The following FOXN3 variants were observed in gnomAD, a reference collection of about 807,000 sequenced individuals.
FOXN3 encodes forkhead box protein N3.
A neutral mutation model predicts 38.4 loss-of-function variants in FOXN3; 7 were observed. That is an observed-to-expected ratio of 0.18 (90% CI 0.10 to 0.34). FOXN3 has a LOEUF of 0.34. Among genes scored for constraint, FOXN3 ranks in the 10% least tolerant of loss-of-function variants. FOXN3 has a pLI of 1.00. For synonymous variants in FOXN3, 230 were observed against 242.2 expected, an observed-to-expected ratio of 0.95 and a Z score of 0.47; for missense variants, 456 against 613.4, an observed-to-expected ratio of 0.74 and a Z score of 2.71.
At chr14:89,408,129 C>T (rs1891441572) in intron 2 of FOXN3, among the ~76,000 whole-genome samples, 2 of 152,182 alleles carry the variant, frequency 1.3e-5, no homozygotes, top group Non-Finnish European at 2.9e-5. Flanking sequence ...ACTGGAAAGA[C>T]CTCAAGAGGG....
chr14:89,255,397 TTCATTCATTCAC>T (rs1885585170), intron 4 of FOXN3, among the ~76,000 whole-genome samples: 1 of 152,022 alleles, frequency 6.6e-6, no homozygotes, highest in Non-Finnish European at 1.5e-5. Flanking sequence ...TCTGTGTTCA[TTCATTCATTCAC>T]TCATTCATTC....
At chr14:89,306,590 A>G (rs1269240072) in intron 3 of FOXN3, among the ~76,000 whole-genome samples, 1 of 152,008 alleles carries the variant, frequency 6.6e-6, no homozygotes, top group Non-Finnish European at 1.5e-5. Flanking sequence ...CATGGTCTCA[A>G]TCTCCTGAAC....
At chr14:89,381,532 C>CAAAAAAAAAAAAAAA (rs71897384) in intron 2 of FOXN3, among the ~76,000 whole-genome samples, 2 of 75,938 alleles carry the variant, frequency 2.6e-5, no homozygotes, top group African/African-American at 5.1e-5. Flanking sequence ...CCTCAAAAAG[C>CAAAAAAAAAAAAAAA]AAAAAAAAAA....
At chr14:89,495,183 C>A (rs1349554172) in intron 1 of FOXN3, among the ~76,000 whole-genome samples, 1 of 152,088 alleles carries the variant, frequency 6.6e-6, no homozygotes, top group Non-Finnish European at 1.5e-5. Flanking sequence ...ATGAAAATGG[C>A]CACGTTTTAG....
chr14:89,314,778 T>C (rs1887672018), intron 3 of FOXN3, among the ~76,000 whole-genome samples: 1 of 152,110 alleles, frequency 6.6e-6, no homozygotes, highest in Non-Finnish European at 1.5e-5. Flanking sequence ...TGCACAAACA[T>C]ACAGACACAG....
chr14:89,552,346 C>T (rs1038058048), intron 1 of FOXN3, among the ~76,000 whole-genome samples: 5 of 152,196 alleles, frequency 3.3e-5, no homozygotes, highest in African/African-American at 4.8e-5. Flanking sequence ...TATGTGTCAC[C>T]GTCACGTGTA....
At chr14:89,573,168 A>C (rs1895530226) in intron 1 of FOXN3, among the ~76,000 whole-genome samples, 1 of 152,196 alleles carries the variant, frequency 6.6e-6, no homozygotes, top group Admixed American at 6.5e-5. Context: ...AGAAGCGATA[A>C]GTGATCCAGC....
intron 1 of FOXN3, among the ~76,000 whole-genome samples, chr14:89,583,812 G>A (rs937486837): frequency 1.3e-5 from 2 of 151,534 alleles, no homozygotes; most frequent in African/African-American, 2.4e-5. Flanking sequence ...CGCCCACCTC[G>A]GCCTCCCAAA....
chr14:89,360,724 C>CCACCACCACCTCCACCACCACCTCCAG (rs1889465327), intron 2 of FOXN3, among the ~76,000 whole-genome samples: 1 of 134,714 alleles, frequency 7.4e-6, no homozygotes, highest in Admixed American at 7.1e-5. Flanking sequence ...ACTACCTCCA[C>CCACCACCACCTCCACCACCACCTCCAG]CACCACCACC....
intron 3 of FOXN3, among the ~76,000 whole-genome samples, chr14:89,336,873 T>C (rs1888476497): frequency 6.6e-6 from 1 of 152,184 alleles, no homozygotes; most frequent in African/African-American, 2.4e-5. Flanking sequence ...GAAATTCAGG[T>C]TGGTTTTCCT....
At chr14:89,359,883 G>A (rs1889390569) in intron 2 of FOXN3, among the ~76,000 whole-genome samples, 1 of 152,144 alleles carries the variant, frequency 6.6e-6, no homozygotes, top group African/African-American at 2.4e-5. Flanking sequence ...GGGCCTCTGA[G>A]GCCACTGTTC....
intron 2 of FOXN3, among the ~76,000 whole-genome samples, chr14:89,408,748 G>C (rs1024683095): frequency 3.9e-5 from 6 of 151,900 alleles, no homozygotes; most frequent in African/African-American, 7.3e-5. Context: ...AAGTGGAATA[G>C]CTAATTCACT....
chr14:89,563,359 G>A (rs1474457739), intron 1 of FOXN3, among the ~76,000 whole-genome samples: 7 of 152,154 alleles, frequency 4.6e-5, no homozygotes, highest in African/African-American at 1.2e-4. Flanking sequence ...TCTCAGAACC[G>A]CAGTGAGGCA....
intron 1 of FOXN3, among the ~76,000 whole-genome samples, chr14:89,560,377 C>A (rs1456421820): frequency 3.3e-5 from 5 of 152,188 alleles, no homozygotes; most frequent in Admixed American, 2.6e-4. Flanking sequence ...CCCCTGGATA[C>A]AGGGATGGGC....
At chr14:89,216,918 G>A (rs1260393389) in intron 4 of FOXN3, among the ~76,000 whole-genome samples, 1 of 152,124 alleles carries the variant, frequency 6.6e-6, no homozygotes, top group African/African-American at 2.4e-5. Flanking sequence ...CAGGCCAGAT[G>A]CTTCTTGAGG....
At chr14:89,493,996 A>C (rs577961429) in intron 1 of FOXN3, 1 of 152,222 alleles carries the variant, frequency 6.6e-6, no homozygotes, top group East Asian at 1.9e-4. Flanking sequence ...GTTTGACTGG[A>C]ATCTTGCAAC....
intron 1 of FOXN3, among the ~76,000 whole-genome samples, chr14:89,605,530 G>A (rs1566715819): frequency 6.6e-6 from 1 of 151,876 alleles, no homozygotes. Context: ...AAATAAATTA[G>A]AATATACATG....
chr14:89,176,447 G>C (rs1244345463), intron 5 of FOXN3, among the ~76,000 whole-genome samples: 1 of 152,216 alleles, frequency 6.6e-6, no homozygotes, highest in African/African-American at 2.4e-5. Context: ...ACAAAAGAGA[G>C]TGGGAAATTG....
intron 3 of FOXN3, among the ~76,000 whole-genome samples, chr14:89,316,098 C>T (rs1887710867): frequency 6.6e-6 from 1 of 152,200 alleles, no homozygotes. Flanking sequence ...CTTGCTACAG[C>T]CAATAGGACA....
Sources: allele counts gnomAD v4.1 joint callset (sites outside exome capture counted in the v4.1 genomes callset), GRCh38; gene constraint gnomAD v4.1.1; transcripts MANE v1.5; gene names NCBI Gene and HGNC (gene_info 2026-07-23, HGNC 2026-07-21).